EHBP1: variants seen among roughly 807,000 people sequenced by gnomAD.
EHBP1 encodes the protein EH domain-binding protein 1.
A neutral mutation model predicts 144.0 loss-of-function variants in EHBP1; 55 were observed. The observed-to-expected ratio is 0.38, with a 90% confidence interval of 0.31 to 0.48. The LOEUF is 0.48. EHBP1 is among the 20% of genes least tolerant of loss of function. The pLI, the probability that EHBP1 is intolerant of heterozygous loss-of-function variation, is 0.98. For missense variants in EHBP1, 1,200 were observed against 1,364.2 expected, an observed-to-expected ratio of 0.88 and a Z score of 1.90; for synonymous variants, 469 against 472.7, an observed-to-expected ratio of 0.99 and a Z score of 0.10.
intron 7 of EHBP1, among the ~76,000 whole-genome samples, chr2:62,840,084 A>G (rs1294582984): frequency 6.6e-6 from 1 of 151,888 alleles, no homozygotes; most frequent in African/African-American, 2.4e-5. Context: ...CCTGACTTCA[A>G]ACTATACTAC....
intron 7 of EHBP1, among the ~76,000 whole-genome samples, chr2:62,846,952 G>A (rs2048337914): frequency 6.6e-6 from 1 of 152,040 alleles, no homozygotes; most frequent in Non-Finnish European, 1.5e-5. Context: ...AATCCTAGCA[G>A]GTGTTTTTTA....
chr2:63,014,292 G>A lies in EHBP1; in HGVS notation c.3103+17526G>A, dbSNP rs148733632. On this transcript the variant is annotated intron_variant, in intron 19 of 22. Transcript: ENST00000431489. ...TATTGATCTCTAATCTGCCCCTTTA[G>A]CTGTATTAAATGCTTAAAGTGTTCT... Among the ~76,000 whole-genome samples the A allele has an allele frequency of 2.1e-3, 317 of 152,152 alleles. 4 individuals are homozygous for A. Among genetic ancestry groups the A allele is most frequent in the Admixed American group, 0.016 (240 of 15,266 alleles).
At chr2:62,919,303 T>C (rs976531264) in intron 10 of EHBP1, among the ~76,000 whole-genome samples, 1 of 152,224 alleles carries the variant, frequency 6.6e-6, no homozygotes, top group Non-Finnish European at 1.5e-5. Context: ...TTTGTTTTTC[T>C]CTTCATTTAT....
chr2:62,909,366 A>G (rs891243407), intron 10 of EHBP1, among the ~76,000 whole-genome samples: 4 of 152,104 alleles, frequency 2.6e-5, no homozygotes, highest in African/African-American at 9.7e-5. Flanking sequence ...TATTTTTAGA[A>G]GAGATCAGGT....
At chr2:63,006,481 GA>G (rs796097887) in intron 19 of EHBP1, among the ~76,000 whole-genome samples, 1 of 151,636 alleles carries the variant, frequency 6.6e-6, no homozygotes, top group Non-Finnish European at 1.5e-5. Context: ...CTATTAGATA[GA>G]AAAAAACCTT....
chr2:62,742,218 CTCTA>C (rs1406402223), intron 2 of EHBP1, among the ~76,000 whole-genome samples: 1 of 152,146 alleles, frequency 6.6e-6, no homozygotes, highest in South Asian at 2.1e-4. Flanking sequence ...CAGACTATAT[CTCTA>C]TCTATCGTTA....
intron 1 of EHBP1, among the ~76,000 whole-genome samples, chr2:62,695,354 CTG>C (rs746531176): frequency 6.6e-6 from 1 of 152,016 alleles, no homozygotes; most frequent in Non-Finnish European, 1.5e-5. Flanking sequence ...GAGCGAGACT[CTG>C]TCTCAAAAAG....
intron 10 of EHBP1, among the ~76,000 whole-genome samples, chr2:62,885,764 A>G (rs2152892793): frequency 6.6e-6 from 1 of 152,264 alleles, no homozygotes; most frequent in South Asian, 2.1e-4. Context: ...AAAGAGCCCC[A>G]CCGTACATTC....
chr2:62,778,220 C>T (rs2042177678), intron 5 of EHBP1, among the ~76,000 whole-genome samples: 1 of 151,996 alleles, frequency 6.6e-6, no homozygotes, highest in Admixed American at 6.6e-5. Flanking sequence ...AAGTGAATGG[C>T]GATGGGCTAA....
intron 11 of EHBP1, 122 bp from the exon 12 acceptor site, chr2:62,943,680 C>G (rs2056905073): frequency 2.0e-6 from 1 of 492,980 alleles, no homozygotes. Context: ...GATTGAATTG[C>G]TGTGAAATTG....
At chr2:62,923,197 A>C in intron 10 of EHBP1, among the ~76,000 whole-genome samples, 1 of 152,190 alleles carries the variant, frequency 6.6e-6, no homozygotes, top group Non-Finnish European at 1.5e-5. Context: ...CAACCTCAGC[A>C]ATACAAAATC....
intron 8 of EHBP1, among the ~76,000 whole-genome samples, chr2:62,861,805 G>T (rs940404445): frequency 1.3e-5 from 2 of 151,174 alleles, no homozygotes; most frequent in African/African-American, 4.9e-5. Flanking sequence ...GCCTATTCTA[G>T]CATCTTCAAA....
chr2:63,007,811 T>C (rs1043746717), intron 19 of EHBP1, among the ~76,000 whole-genome samples: 2 of 151,880 alleles, frequency 1.3e-5, no homozygotes, highest in African/African-American at 4.8e-5. Flanking sequence ...AGTACATCTC[T>C]ATTGACTTAG....
At chr2:62,766,919 A>C (rs986819386) in intron 4 of EHBP1, among the ~76,000 whole-genome samples, 1 of 151,282 alleles carries the variant, frequency 6.6e-6, no homozygotes, top group Non-Finnish European at 1.5e-5. Context: ...GTCCCCCATA[A>C]ATATTTCTCA....
chr2:62,761,867 T>G (rs2152309350), intron 3 of EHBP1, among the ~76,000 whole-genome samples: 1 of 152,348 alleles, frequency 6.6e-6, no homozygotes, highest in East Asian at 1.9e-4. Flanking sequence ...AACCTGTTTC[T>G]TTTCCTTTCA....
rs2040530129 is a variant in EHBP1 at position 62,758,935 on chromosome 2, A to G, written c.163-5331A>G. 2.0e-5 allele frequency among the ~76,000 whole-genome samples: 3 copies of G among 152,354 alleles called. 1 individual carries two copies. The highest frequency in any genetic ancestry group is 2.0e-4 in the Admixed American group (3 of 15,302). On this transcript the variant is annotated intron_variant, in intron 3 of 22. Coordinates refer to ENST00000431489, the MANE Select transcript of EHBP1 (RefSeq NM_001142616.3). ...ATTGAAAATTGTCAGTTTAAAAACT[A>G]TATGGCATTTGTAAATTTTCACTGA...
chr2:62,914,200 T>C lies in EHBP1; in HGVS notation c.1186-28518T>C, dbSNP rs554048674. Among the ~76,000 whole-genome samples, 12 of 152,272 alleles carry C rather than the reference T, an allele frequency of 7.9e-5. No individual in the cohort carries two copies. In the East Asian group the frequency reaches 1.5e-3, roughly 20 times the overall value. Reference sequence around the variant, plus strand: ...GCTAAATGAGAGTGGGAGGAACTTATGCCCTGGTCAGTGTATCCAAGGGTA... The same window carrying C: ...GCTAAATGAGAGTGGGAGGAACTTACGCCCTGGTCAGTGTATCCAAGGGTA... On this transcript the variant is annotated intron_variant, in intron 10 of 22. Transcript: ENST00000431489.
At chr2:62,916,509 C>T (rs917176799) in intron 10 of EHBP1, among the ~76,000 whole-genome samples, 5 of 151,656 alleles carry the variant, frequency 3.3e-5, no homozygotes, top group Non-Finnish European at 7.4e-5. Flanking sequence ...TTGAGAATCA[C>T]TTGAACCCTG....
chr2:62,699,064 C>T (rs913313006), intron 1 of EHBP1, among the ~76,000 whole-genome samples: 3 of 152,200 alleles, frequency 2.0e-5, no homozygotes, highest in Admixed American at 2.0e-4. Flanking sequence ...GGGTTGTAGT[C>T]AATGCCCTCC....
Sources: allele counts gnomAD v4.1 joint callset (sites outside exome capture counted in the v4.1 genomes callset), GRCh38; gene constraint gnomAD v4.1.1; transcripts MANE v1.5; gene names NCBI Gene and HGNC (gene_info 2026-07-23, HGNC 2026-07-21).